Variants in DNAH3 observed in about 807,000 individuals in gnomAD.
DNAH3 encodes the protein axonemal beta dynein heavy chain 3.
In DNAH3, 332 loss-of-function variants were observed where a neutral mutation model predicts 432.5. The observed-to-expected ratio is 0.77, with a 90% CI of 0.70 to 0.84. The LOEUF (loss-of-function observed/expected upper bound fraction) is 0.84. DNAH3 is among the 40% of genes least tolerant of loss of function. DNAH3 has a pLI of 0.00. For synonymous variants in DNAH3, 1,956 were observed against 1,900.2 expected (o/e 1.03, Z -0.76); for missense variants, 4,861 against 5,114.0 (o/e 0.95, Z 1.51).
At chr16:21,136,639 C>T in intron 5 of DNAH3, 126 bp from the exon 7 acceptor site, 1 of 871,942 alleles carries the variant, frequency 1.1e-6, no homozygotes, top group Middle Eastern at 2.2e-4. Flanking sequence ...CTTGCCATAA[C>T]CATGCATTCT....
At chr16:21,069,748 T>TCA (rs1242805890) in intron 22 of DNAH3, among the ~76,000 whole-genome samples, 154 bp from the exon 23 acceptor site, 24 of 152,328 alleles carry the variant, frequency 1.6e-4, no homozygotes, top group Middle Eastern at 3.4e-3. Context: ...TATGCTCTGG[T>TCA]CACTGCTCCA....
At chr16:21,023,181 G>A (rs1007648188) in intron 39 of DNAH3, among the ~76,000 whole-genome samples, 1 of 152,052 alleles carries the variant, frequency 6.6e-6, no homozygotes, top group Non-Finnish European at 1.5e-5. Context: ...GCATTTATAT[G>A]TATATATAAA....
At chr16:21,144,226 A>G (rs1220226246) in intron 3 of DNAH3, among the ~76,000 whole-genome samples, 1 of 152,160 alleles carries the variant, frequency 6.6e-6, no homozygotes, top group Non-Finnish European at 1.5e-5. Context: ...AGTATGGGCT[A>G]GAACTAGTGA....
intron 7 of DNAH3, among the ~76,000 whole-genome samples, chr16:21,132,462 T>TA (rs1308648968): frequency 6.6e-6 from 1 of 152,144 alleles, no homozygotes; most frequent in South Asian, 2.1e-4. Context: ...AAGGGCTCAC[T>TA]AAAAAAACCA....
At chr16:21,055,902 C>T (rs117918819) in intron 27 of DNAH3, among the ~76,000 whole-genome samples, 10,747 of 152,108 alleles carry the variant, frequency 0.071, 510 homozygotes, top group Non-Finnish European at 0.11. Context: ...CACACCATCA[C>T]TCCTGGCTAA....
At chr16:20,980,306 T>TAATATACATCATATATTAG (rs1222320390) in intron 49 of DNAH3, among the ~76,000 whole-genome samples, 1 of 140,882 alleles carries the variant, frequency 7.1e-6, no homozygotes, top group Non-Finnish European at 1.5e-5. Context: ...TCATATATTA[T>TAATATACATCATATATTAG]ATTATATATT....
At position 21,125,210 on chromosome 16, in the gene DNAH3, G is replaced by A. The variant is rs1368840770; in HGVS notation, c.1369C>T (p.Leu457Phe). Residue 457 changes from leucine to phenylalanine, a missense_variant, in exon 9 of 62, where the codon CTT becomes TTT. Leu to Phe is a conservative substitution (Grantham distance 22, BLOSUM62 0). Transcript: ENST00000261383. ...ATGAAAAGGGAAACGAGGTCCTCAAGTGACTTAATGACCAGCTCCCTAAGC... is the reference window on the plus strand; with the variant it reads ...ATGAAAAGGGAAACGAGGTCCTCAAATGACTTAATGACCAGCTCCCTAAGC... 1.9e-6 allele frequency: 3 copies of A among 1,611,684 alleles called. No individual in the cohort carries two copies. The South Asian group carries it at 3.3e-5, about 18-fold the overall frequency.
chr16:20,951,029 G>C (rs2084286215), intron 56 of DNAH3, among the ~76,000 whole-genome samples: 1 of 152,010 alleles, frequency 6.6e-6, no homozygotes. Context: ...GCCCAGACTG[G>C]TCTCAGACTC....
intron 21 of DNAH3, among the ~76,000 whole-genome samples, chr16:21,071,576 C>A (rs1426971575): frequency 2.6e-5 from 4 of 152,078 alleles, no homozygotes; most frequent in African/African-American, 9.7e-5. Context: ...CTTCTACTTT[C>A]TTCCTTGAAA....
intron 37 of DNAH3, among the ~76,000 whole-genome samples, chr16:21,027,374 G>A (rs1375295151): frequency 2.0e-5 from 3 of 152,144 alleles, no homozygotes; most frequent in South Asian, 2.1e-4. Context: ...TATAGTGTTC[G>A]AAGTGGTGAA....
intron 50 of DNAH3, among the ~76,000 whole-genome samples, chr16:20,977,794 C>G (rs1251677152): frequency 6.6e-6 from 1 of 152,190 alleles, no homozygotes; most frequent in East Asian, 1.9e-4. Flanking sequence ...GAAATGTTAA[C>G]TGGTGCAATC....
At chr16:21,065,744 G>A (rs1187342610) in intron 24 of DNAH3, among the ~76,000 whole-genome samples, 2 of 152,180 alleles carry the variant, frequency 1.3e-5, no homozygotes, top group African/African-American at 4.8e-5. Context: ...TGGACAGTAC[G>A]GACAAAGAAC....
At chr16:21,013,344 C>T (rs978972626) in intron 41 of DNAH3, among the ~76,000 whole-genome samples, 2 of 151,282 alleles carry the variant, frequency 1.3e-5, no homozygotes, top group African/African-American at 2.4e-5. Context: ...AGCACCAGCC[C>T]GGGCAGATCC....
In DNAH3 at chr16:21,003,085, C is replaced by T. The variant is rs1369824406; in HGVS notation, c.6126+19G>A. ...GATTCTGGAAACCAAAGTTCCATGG[C>T]CAATGATTCTCTTTATACCTTTGCA... is the stretch of plus-strand genomic sequence containing the variant. On this transcript the variant is annotated intron_variant, in intron 42 of 61. Coordinates refer to ENST00000261383, the Ensembl canonical transcript of DNAH3. The T allele has an allele frequency of 4.0e-6, 6 of 1,494,200 alleles. No individual in the cohort carries two copies. The highest frequency in any genetic ancestry group is 2.3e-5 in the East Asian group (1 of 44,198). 92.6% of individuals were successfully genotyped at this position (1,494,200 alleles called of 1,614,324 possible).
At chr16:21,019,703 G>A in exon 41 of DNAH3, 1 of 1,614,150 alleles carries the variant, frequency 6.2e-7, no homozygotes, top group South Asian at 1.1e-5. Flanking sequence ...CCATGATCAG[G>A]TTGCGGAAAA....
exon 23 of DNAH3, chr16:21,069,557 A>G: frequency 6.2e-7 from 1 of 1,612,746 alleles, no homozygotes; most frequent in Non-Finnish European, 8.5e-7. Flanking sequence ...CCAGGCATCC[A>G]AATTGTCTTG....
intron 19 of DNAH3, among the ~76,000 whole-genome samples, chr16:21,082,903 T>C (rs1271470494): frequency 6.6e-6 from 1 of 152,018 alleles, no homozygotes; most frequent in East Asian, 1.9e-4. Context: ...TTGGCATCTA[T>C]CAGTGCAGTT....
At chr16:20,992,910 G>C (rs1188780049) in intron 44 of DNAH3, among the ~76,000 whole-genome samples, 1 of 152,090 alleles carries the variant, frequency 6.6e-6, no homozygotes, top group African/African-American at 2.4e-5. Flanking sequence ...TTGTTGCCCA[G>C]GCTGGAGCGT....
At chr16:21,070,920 C>T in intron 21 of DNAH3, 94 bp from the exon 22 acceptor site, 1 of 786,068 alleles carries the variant, frequency 1.3e-6, no homozygotes, top group Admixed American at 1.9e-5. Flanking sequence ...GACAGGGTCT[C>T]CTCACCCAGG....
Sources: allele counts gnomAD v4.1 joint callset (sites outside exome capture counted in the v4.1 genomes callset), GRCh38; gene constraint gnomAD v4.1.1; transcripts MANE v1.5; gene names NCBI Gene and HGNC (gene_info 2026-07-23, HGNC 2026-07-21).